LRCH1: variants seen among roughly 807,000 people sequenced by gnomAD.
LRCH1 encodes leucine rich repeats and calponin homology domain containing 1, also known as leucine-rich repeat and calponin homology domain-containing protein 1.
Under a neutral mutation model 94.9 loss-of-function variants are expected in LRCH1, and 23 were observed. That is an observed-to-expected ratio of 0.24 (90% CI 0.17 to 0.34). The LOEUF (loss-of-function observed/expected upper bound fraction) is 0.34. Among genes scored for constraint, LRCH1 ranks in the 10% least tolerant of loss-of-function variants. LRCH1 has a pLI of 1.00. For missense variants in LRCH1, 790 were observed against 945.9 expected (o/e 0.84, Z 2.16); for synonymous variants, 364 against 354.9 (o/e 1.03, Z -0.29).
chr13:46,699,336 G>T lies in LRCH1; in HGVS notation c.1246G>T (p.Ala416Ser). ...GGAACCCTGTGTGTTTTGTCCACAGGCAAGGGCAGAAGACTGTGAAGAGCT... is the reference window on the plus strand; with the variant it reads ...GGAACCCTGTGTGTTTTGTCCACAGTCAAGGGCAGAAGACTGTGAAGAGCT... ...GLHSEFMNYK[A>S]RAEDCEELLR... The change falls in exon 10 of 20, where the codon GCA becomes TCA. Residue 416 changes from alanine to serine, a missense_variant and splice_region_variant. Ala to Ser is a moderately conservative substitution (Grantham distance 99). Coordinates refer to ENST00000389797, the MANE Select transcript of LRCH1 (RefSeq NM_001164211.2). The T allele has an allele frequency of 6.2e-7, 1 of 1,613,726 alleles. No homozygotes were observed. Among genetic ancestry groups the T allele is most frequent in the Non-Finnish European group, 8.5e-7 (1 of 1,179,656 alleles).
intron 1 of LRCH1, among the ~76,000 whole-genome samples, chr13:46,588,671 G>A (rs866945257): frequency 5.0e-5 from 7 of 138,990 alleles, no homozygotes; most frequent in African/African-American, 8.3e-5. Context: ...CGCCATCTCC[G>A]TTCACTGCAA....
chr13:46,650,021 T>A (rs1394417439), intron 1 of LRCH1, among the ~76,000 whole-genome samples, 180 bp from the exon 2 acceptor site: 1 of 152,076 alleles, frequency 6.6e-6, no homozygotes, highest in Non-Finnish European at 1.5e-5. Context: ...TGTCCCAGAA[T>A]TTGGCAAGGA....
chr13:46,619,383 T>C (rs1203610650), intron 1 of LRCH1, among the ~76,000 whole-genome samples: 2 of 152,236 alleles, frequency 1.3e-5, no homozygotes, highest in Non-Finnish European at 2.9e-5. Context: ...GTGCTGGGAC[T>C]ACAGGCGTGA....
At chr13:46,658,246 A>G (rs1332021947) in intron 2 of LRCH1, among the ~76,000 whole-genome samples, 1 of 152,196 alleles carries the variant, frequency 6.6e-6, no homozygotes, top group Non-Finnish European at 1.5e-5. Context: ...CTTTTATGGA[A>G]GATGGTGTGT....
downstream of LRCH1, among the ~76,000 whole-genome samples, chr13:46,745,090 G>C (rs1873857693): frequency 6.6e-6 from 1 of 152,174 alleles, no homozygotes; most frequent in South Asian, 2.1e-4. Flanking sequence ...GTCTATAGCA[G>C]GAGTCTGCAA....
At chr13:46,603,420 C>G (rs374494981) in intron 1 of LRCH1, among the ~76,000 whole-genome samples, 22 of 152,090 alleles carry the variant, frequency 1.4e-4, no homozygotes, top group African/African-American at 5.3e-4. Context: ...GTTTGCAAAG[C>G]TAGTGTCGCT....
At chr13:46,741,615 C>T in intron 19 of LRCH1, 27 bp from the exon 20 acceptor site, 1 of 1,613,912 alleles carries the variant, frequency 6.2e-7, no homozygotes, top group East Asian at 2.2e-5. Context: ...CTGTCTCTTT[C>T]TGTTCTAATG....
intron 8 of LRCH1, among the ~76,000 whole-genome samples, chr13:46,694,223 G>A (rs1192779912): frequency 6.6e-6 from 1 of 152,176 alleles, no homozygotes; most frequent in Non-Finnish European, 1.5e-5. Flanking sequence ...GGCTCAGAGT[G>A]TTTAAAGGGT....
chr13:46,579,353 C>T (rs2050339796), intron 1 of LRCH1, among the ~76,000 whole-genome samples: 1 of 152,050 alleles, frequency 6.6e-6, no homozygotes, highest in Non-Finnish European at 1.5e-5. Context: ...GAAAAGTGTA[C>T]CATCTCAGAA....
intron 1 of LRCH1, among the ~76,000 whole-genome samples, chr13:46,588,683 C>G (rs929608048): frequency 1.1e-4 from 17 of 151,592 alleles, no homozygotes; most frequent in African/African-American, 4.1e-4. Context: ...TCACTGCAAC[C>G]CCCGCCTCTC....
At chr13:46,709,944 T>C (rs1231528816) in intron 13 of LRCH1, among the ~76,000 whole-genome samples, 1 of 152,214 alleles carries the variant, frequency 6.6e-6, no homozygotes, top group East Asian at 1.9e-4. Flanking sequence ...AGCTAAAATA[T>C]GATCCTTACT....
chr13:46,671,984 C>T lies in LRCH1; in HGVS notation c.579+2828C>T, dbSNP rs760686766. Among the ~76,000 whole-genome samples the T allele has an allele frequency of 1.3e-5, 2 of 152,180 alleles. 1 individual carries two copies. Among genetic ancestry groups the T allele is most frequent in the Non-Finnish European group, 2.9e-5 (2 of 68,034 alleles). The stretch of plus-strand genomic sequence containing the variant: ...TCACTCTTGGTGTTGTACATTCTAT[C>T]GGTTTGGGTAAATGTATAATGACAT... On this transcript the variant is annotated intron_variant, in intron 3 of 19. Coordinates refer to ENST00000389797, the MANE Select transcript of LRCH1 (RefSeq NM_001164211.2).
At chr13:46,564,388 G>A (rs920774046) in intron 1 of LRCH1, among the ~76,000 whole-genome samples, 1 of 152,198 alleles carries the variant, frequency 6.6e-6, no homozygotes, top group Admixed American at 6.5e-5. Flanking sequence ...TTGGAAAAAT[G>A]CAATCCCAGT....
intron 7 of LRCH1, among the ~76,000 whole-genome samples, chr13:46,690,975 CT>C (rs1367206893): frequency 6.6e-6 from 1 of 152,136 alleles, no homozygotes; most frequent in Non-Finnish European, 1.5e-5. Flanking sequence ...TTAAAAACAT[CT>C]TTTTATCAAG....
chr13:46,733,648 CTA>C (rs966259562), intron 18 of LRCH1, among the ~76,000 whole-genome samples: 2 of 151,144 alleles, frequency 1.3e-5, no homozygotes, highest in African/African-American at 2.4e-5. Context: ...ATACAAACAT[CTA>C]TATATATATA....
At chr13:46,620,813 T>A (rs944194120) in intron 1 of LRCH1, among the ~76,000 whole-genome samples, 1 of 152,382 alleles carries the variant, frequency 6.6e-6, no homozygotes, top group East Asian at 1.9e-4. Context: ...ACAGAGACAT[T>A]GAGTAAATCA....
chr13:46,568,571 T>C (rs570183255), intron 1 of LRCH1, among the ~76,000 whole-genome samples: 7 of 152,354 alleles, frequency 4.6e-5, no homozygotes, highest in African/African-American at 1.4e-4. Context: ...GTCTTAGACA[T>C]TTGTTGTTTA....
intron 1 of LRCH1, 123 bp from the exon 2 acceptor site, chr13:46,650,078 C>CA (rs894283241): frequency 8.5e-4 from 504 of 594,756 alleles, no homozygotes; most frequent in South Asian, 1.8e-3. Flanking sequence ...AACAGAGGTG[C>CA]AAAAAAAAAT....
At chr13:46,715,429 A>G (rs900874585) in intron 15 of LRCH1, 131 bp from the exon 16 acceptor site, 1 of 626,468 alleles carries the variant, frequency 1.6e-6, no homozygotes, top group Non-Finnish European at 2.9e-6. Flanking sequence ...TTGAAATTAA[A>G]CCCCATATAA....
Sources: gnomAD v4.1 joint callset for allele counts (sites outside exome capture counted in the v4.1 genomes callset) on GRCh38, gnomAD v4.1.1 for gene constraint, MANE v1.5 for transcripts, NCBI Gene and HGNC (gene_info 2026-07-23, HGNC 2026-07-21) for gene names.